Variants in CDIN1 observed in about 807,000 individuals in gnomAD.
CDIN1 encodes CDAN1 interacting nuclease 1.
CDIN1 carries 33 observed loss-of-function variants against 45.3 expected under a neutral mutation model. The observed-to-expected ratio is 0.73, with a 90% CI of 0.55 to 0.97. The LOEUF is 0.97. Among genes scored for constraint, CDIN1 ranks in the 50% least tolerant of loss-of-function variants. The pLI, the probability that CDIN1 is intolerant of heterozygous loss-of-function variation, is 0.00. For missense variants in CDIN1, 303 were observed against 339.4 expected, an observed-to-expected ratio of 0.89 and a Z score of 0.84; for synonymous variants, 118 against 124.4, an observed-to-expected ratio of 0.95 and a Z score of 0.34.
At chr15:36,717,865 G>A (rs74653092) in intron 10 of CDIN1, among the ~76,000 whole-genome samples, 21,360 of 151,912 alleles carry the variant, frequency 0.14, 1,627 homozygotes, top group East Asian at 0.29. Context: ...TTTAACTCAA[G>A]GCTTCCTAAT....
intron 8 of CDIN1, among the ~76,000 whole-genome samples, chr15:36,699,415 C>T (rs1482622746): frequency 1.3e-5 from 2 of 151,994 alleles, no homozygotes; most frequent in Non-Finnish European, 2.9e-5. Context: ...ATAAACAGAC[C>T]ACTAATCTTA....
chr15:36,718,061 AT>A (rs1281529610), intron 10 of CDIN1, among the ~76,000 whole-genome samples: 2 of 151,886 alleles, frequency 1.3e-5, no homozygotes, highest in Non-Finnish European at 2.9e-5. Flanking sequence ...TTTATTTTAT[AT>A]TTTAGTATTC....
At chr15:36,679,853 G>A (rs141916479) in intron 5 of CDIN1, among the ~76,000 whole-genome samples, 1,705 of 152,210 alleles carry the variant, frequency 0.011, 24 homozygotes, top group Middle Eastern at 0.082. Context: ...CAAGTGAGCC[G>A]CCACCAAAGT....
chr15:36,609,696 G>A (rs1050015061), intron 1 of CDIN1, among the ~76,000 whole-genome samples: 3 of 152,224 alleles, frequency 2.0e-5, no homozygotes, highest in Non-Finnish European at 2.9e-5. Context: ...ACTGGCCTGG[G>A]GATCCAGACC....
intron 10 of CDIN1, among the ~76,000 whole-genome samples, chr15:36,770,110 T>TTC (rs150116594): frequency 0.15 from 22,715 of 149,560 alleles, 2,787 homozygotes; most frequent in African/African-American, 0.35. Flanking sequence ...CTTTCTCCCT[T>TTC]TCTCTCTCTC....
chr15:36,611,680 C>T (rs2038656581), intron 1 of CDIN1, among the ~76,000 whole-genome samples: 1 of 152,146 alleles, frequency 6.6e-6, no homozygotes, highest in Admixed American at 6.5e-5. Context: ...GAATCGAATA[C>T]TTTATTCCTA....
chr15:36,653,909 A>G (rs2040674453), intron 3 of CDIN1, among the ~76,000 whole-genome samples, 189 bp from the exon 4 acceptor site: 1 of 152,172 alleles, frequency 6.6e-6, no homozygotes, highest in Non-Finnish European at 1.5e-5. Context: ...CTTAGTTGCC[A>G]GTGGTTTTGA....
At chr15:36,617,097 T>C (rs914699063) in intron 1 of CDIN1, 3 of 827,806 alleles carry the variant, frequency 3.6e-6, no homozygotes, top group Non-Finnish European at 6.5e-6. Context: ...ACATGTTGTT[T>C]TTCGTGGAGC....
At chr15:36,710,085 G>T in intron 10 of CDIN1, 124 bp downstream of exon 10, 4 of 578,166 alleles carry the variant, frequency 6.9e-6, no homozygotes, top group East Asian at 2.9e-5. Context: ...ACAGAGTTTT[G>T]ATTAATGTAT....
At chr15:36,639,161 C>T (rs1338971394) in intron 1 of CDIN1, among the ~76,000 whole-genome samples, 2 of 152,144 alleles carry the variant, frequency 1.3e-5, no homozygotes, top group African/African-American at 4.8e-5. Flanking sequence ...TAGTTGAAAG[C>T]CTGGGGCAGT....
chr15:36,737,048 A>T (rs942646397), intron 10 of CDIN1, among the ~76,000 whole-genome samples: 13 of 152,002 alleles, frequency 8.6e-5, no homozygotes, highest in African/African-American at 3.1e-4. Flanking sequence ...CACGCCTGTA[A>T]TCCCAGCTAC....
chr15:36,742,640 C>G (rs958443796), intron 10 of CDIN1, among the ~76,000 whole-genome samples: 2 of 152,156 alleles, frequency 1.3e-5, no homozygotes, highest in African/African-American at 4.8e-5. Context: ...CTGGAGTCTT[C>G]CTGTTGTTGG....
chr15:36,675,506 G>A (rs956535501), intron 5 of CDIN1, among the ~76,000 whole-genome samples: 4 of 152,082 alleles, frequency 2.6e-5, no homozygotes, highest in African/African-American at 9.7e-5. Context: ...TGTTTCCAGA[G>A]CCCCAAGAGT....
intron 10 of CDIN1, among the ~76,000 whole-genome samples, chr15:36,750,484 T>C (rs900187100): frequency 5.9e-5 from 9 of 152,158 alleles, no homozygotes; most frequent in African/African-American, 2.2e-4. Context: ...GATTTCAGCA[T>C]TTACTATGTA....
intron 1 of CDIN1, chr15:36,613,702 A>C: frequency 2.0e-6 from 3 of 1,513,458 alleles, no homozygotes; most frequent in Non-Finnish European, 2.7e-6. Context: ...TGCAAAAGCT[A>C]GAAGAAGCGG....
chr15:36,685,060 T>C (rs915252662), intron 5 of CDIN1, among the ~76,000 whole-genome samples: 2 of 152,212 alleles, frequency 1.3e-5, no homozygotes, highest in East Asian at 3.9e-4. Flanking sequence ...TTTGAAGGGC[T>C]TTTTGTGTCT....
chr15:36,724,821 T>G lies in CDIN1; in HGVS notation c.716+14860T>G, dbSNP rs369987877. ...GCATTTGAACATTTATAAAGTAATT[T>G]TAGTCTGGTTGCACTGAATCTGATT... On this transcript the variant is annotated intron_variant, in intron 10 of 10. Transcript: ENST00000566621. Among the ~76,000 whole-genome samples the G allele has an allele frequency of 3.3e-5, 5 of 152,288 alleles. No individual in the cohort carries two copies. In the East Asian group the frequency reaches 5.8e-4, roughly 18 times the overall value.
chr15:36,766,085 C>T (rs2053916875), intron 10 of CDIN1, among the ~76,000 whole-genome samples: 2 of 152,230 alleles, frequency 1.3e-5, no homozygotes, highest in South Asian at 4.1e-4. Flanking sequence ...CTCCCGGTCC[C>T]TGGCAACTAC....
At chr15:36,775,299 C>T (rs568125286) in intron 10 of CDIN1, among the ~76,000 whole-genome samples, 1 of 152,312 alleles carries the variant, frequency 6.6e-6, no homozygotes, top group African/African-American at 2.4e-5. Flanking sequence ...TAAAATATCC[C>T]GAAGCACTCG....
Sources: gnomAD v4.1 joint callset for allele counts (sites outside exome capture counted in the v4.1 genomes callset) on GRCh38, gnomAD v4.1.1 for gene constraint, MANE v1.5 for transcripts, NCBI Gene and HGNC (gene_info 2026-07-23, HGNC 2026-07-21) for gene names.